Variants in GLI2 observed in about 807,000 individuals in gnomAD.
The protein encoded by GLI2 is transcription activator GLI2.
In GLI2, 22 loss-of-function variants were observed where a neutral mutation model predicts 78.9. The ratio of observed to expected loss-of-function variants is 0.28; its 90% CI spans 0.20 to 0.40. The LOEUF is 0.40. GLI2 is among the 10% of genes least tolerant of loss of function. The pLI, the probability that GLI2 is intolerant of heterozygous loss-of-function variation, is 1.00. For missense variants in GLI2, 2,097 were observed against 2,213.2 expected (o/e 0.95, Z 1.05); for synonymous variants, 974 against 963.7 (o/e 1.01, Z -0.20).
At chr2:120,953,274 A>G (rs972031555) in intron 4 of GLI2, among the ~76,000 whole-genome samples, 4 of 152,124 alleles carry the variant, frequency 2.6e-5, no homozygotes, top group African/African-American at 9.7e-5. Context: ...CACAGAGGAG[A>G]AGGCTATGTG....
chr2:120,879,062 C>T (rs1573526004), intron 2 of GLI2, among the ~76,000 whole-genome samples: 1 of 152,176 alleles, frequency 6.6e-6, no homozygotes, highest in African/African-American at 2.4e-5. Context: ...TCCGGCATTG[C>T]CCCGTGGGGT....
At chr2:120,884,918 T>G (rs1305155850) in intron 2 of GLI2, among the ~76,000 whole-genome samples, 1 of 152,132 alleles carries the variant, frequency 6.6e-6, no homozygotes, top group Non-Finnish European at 1.5e-5. Context: ...CTCCTACCAT[T>G]GCTGCCATGG....
intron 2 of GLI2, among the ~76,000 whole-genome samples, chr2:120,911,315 T>A (rs1473211752): frequency 2.0e-5 from 3 of 152,212 alleles, no homozygotes; most frequent in African/African-American, 7.2e-5. Flanking sequence ...TAACAATACC[T>A]TCATCAATTG....
chr2:120,837,480 T>C (rs1686673546), intron 2 of GLI2, among the ~76,000 whole-genome samples: 1 of 151,922 alleles, frequency 6.6e-6, no homozygotes, highest in East Asian at 1.9e-4. Flanking sequence ...TATCTTTGGG[T>C]ATGGCATGGT....
intron 2 of GLI2, among the ~76,000 whole-genome samples, chr2:120,857,075 G>A (rs1246792772): frequency 6.6e-6 from 1 of 152,150 alleles, no homozygotes; most frequent in Non-Finnish European, 1.5e-5. Flanking sequence ...TAAAGACCAG[G>A]GGAAGGCTTA....
chr2:120,912,384 G>A (rs1169826295), intron 2 of GLI2, among the ~76,000 whole-genome samples: 2 of 151,750 alleles, frequency 1.3e-5, no homozygotes, highest in African/African-American at 4.9e-5. Flanking sequence ...CAGGGCTGGA[G>A]GGTTGGGTCA....
intron 1 of GLI2, among the ~76,000 whole-genome samples, chr2:120,769,845 CT>C (rs35777290): frequency 0.29 from 44,503 of 151,818 alleles, 7,201 homozygotes; most frequent in African/African-American, 0.43. Flanking sequence ...TGTGCATGGG[CT>C]TTAAGTGTGT....
At chr2:120,886,986 G>C (rs748017377) in intron 2 of GLI2, among the ~76,000 whole-genome samples, 9 of 152,234 alleles carry the variant, frequency 5.9e-5, no homozygotes, top group Non-Finnish European at 1.0e-4. Flanking sequence ...CTGGGCCCGA[G>C]ACGCAGATGC....
intron 13 of GLI2, among the ~76,000 whole-genome samples, chr2:120,986,924 C>A (rs1453905014): frequency 6.6e-6 from 1 of 152,234 alleles, no homozygotes; most frequent in Non-Finnish European, 1.5e-5. Context: ...TGATGAGGCA[C>A]TTGCTGTGGG....
At chr2:120,864,693 C>G (rs1688047236) in intron 2 of GLI2, among the ~76,000 whole-genome samples, 1 of 152,196 alleles carries the variant, frequency 6.6e-6, no homozygotes, top group Admixed American at 6.5e-5. Flanking sequence ...GTAATCCACC[C>G]ACGTTGGCCT....
rs144266563 is a variant in GLI2 at position 120,817,506 on chromosome 2, G to A, written c.148+20038G>A. Among the ~76,000 whole-genome samples the A allele has an allele frequency of 1.4e-3, 211 of 152,224 alleles. 2 individuals carry two copies. The highest frequency in any genetic ancestry group is 4.8e-3 in the African/African-American group (198 of 41,524). On this transcript the variant is annotated intron_variant, in intron 2 of 13. Coordinates refer to ENST00000361492, the MANE Select transcript of GLI2 (RefSeq NM_001374353.1). ...CTCCTCCTCTTACAGTCTCATCACCGCTCCGCCTCAGCCCTTTCCTTCCCT... is the reference window on the plus strand; with the variant it reads ...CTCCTCCTCTTACAGTCTCATCACCACTCCGCCTCAGCCCTTTCCTTCCCT...
In GLI2 at chr2:120,988,698, C is replaced by A; in HGVS notation, c.2733C>A (p.Pro911=). 1 of 1,250,038 alleles carries A rather than the reference C, an allele frequency of 8.0e-7. No individual in the cohort carries two copies. Among genetic ancestry groups the A allele is most frequent in the Non-Finnish European group, 1.0e-6 (1 of 991,442 alleles). The allele number at this position is 1,250,038 out of a possible 1,614,324, so 77.4% of individuals were successfully genotyped here. A position where few individuals can be genotyped will look rare whatever the true frequency, so the allele number is the denominator to read the frequency against. Residue 911 remains proline (P), a synonymous_variant, in exon 14 of 14, where the codon CCC becomes CCA. Transcript: ENST00000361492. ...ALLDAPERTL[P]AGCPRPLGPR... ...TGGACGCGCCCGAGCGCACGCTGCCCGCCGGCTGCCCACGCCCACTGGGGC... is the reference window on the plus strand; with the variant it reads ...TGGACGCGCCCGAGCGCACGCTGCCAGCCGGCTGCCCACGCCCACTGGGGC...
intron 2 of GLI2, among the ~76,000 whole-genome samples, chr2:120,882,710 C>T (rs1677213244): frequency 6.6e-6 from 1 of 152,224 alleles, no homozygotes; most frequent in South Asian, 2.1e-4. Flanking sequence ...GCTGGCATTA[C>T]TCCAGAACCA....
chr2:120,851,210 TG>T (rs1558833627), intron 2 of GLI2, among the ~76,000 whole-genome samples: 1 of 152,082 alleles, frequency 6.6e-6, no homozygotes, highest in African/African-American at 2.4e-5. Context: ...AAGAACTCAT[TG>T]GGGGTGGACT....
intron 3 of GLI2, among the ~76,000 whole-genome samples, chr2:120,928,570 C>T (rs1679803023): frequency 6.6e-6 from 1 of 152,208 alleles, no homozygotes; most frequent in African/African-American, 2.4e-5. Flanking sequence ...CTCTCCCCGC[C>T]TGCCGCCACC....
chr2:120,968,848 A>C lies in GLI2; in HGVS notation c.778A>C (p.Ile260Leu), dbSNP rs543734429. 6.2e-7 allele frequency: 1 copy of C among 1,613,814 alleles called. No homozygotes were observed. Among genetic ancestry groups the C allele is most frequent in the Admixed American group, 1.7e-5 (1 of 60,014 alleles). ...CTCACCCAACTCGCTAGTGGCCTACATCAACAACTCCCGAAGCAGCTCGGC... is the reference window on the plus strand; with the variant it reads ...CTCACCCAACTCGCTAGTGGCCTACCTCAACAACTCCCGAAGCAGCTCGGC... ...RTSPNSLVAY[I>L]NNSRSSSAAS... Residue 260 changes from isoleucine (I) to leucine (L), a missense_variant, in exon 6 of 14, where the codon ATC (isoleucine) becomes CTC (leucine). Physicochemically the swap from Ile to Leu is conservative, Grantham distance 5. This residue lies in a region of GLI2 where 578 missense variants were observed against 612.0 expected (regional missense o/e 0.94). Coordinates refer to ENST00000361492, the MANE Select transcript of GLI2 (RefSeq NM_001374353.1).
In GLI2 at chr2:120,925,720, G is replaced by A. The variant is rs147690933; in HGVS notation, c.149-1641G>A. The stretch of plus-strand genomic sequence containing the variant: ...GTTTCAGTTGTGGAGATGGATGGTG[G>A]TGATGATTACACAACAATGCAAAGG... On this transcript the variant is annotated intron_variant, in intron 2 of 13. Transcript: ENST00000361492. Among the ~76,000 whole-genome samples the A allele has an allele frequency of 5.3e-5, 8 of 152,190 alleles. No individual in the cohort carries two copies. The South Asian group carries it at 8.3e-4, about 16-fold the overall frequency.
chr2:120,876,836 T>G (rs1364487365), intron 2 of GLI2, among the ~76,000 whole-genome samples: 1 of 152,228 alleles, frequency 6.6e-6, no homozygotes, highest in South Asian at 2.1e-4. Context: ...CAGATGCACT[T>G]GCAGAATGAT....
intron 9 of GLI2, among the ~76,000 whole-genome samples, chr2:120,977,394 T>C (rs1190520577): frequency 1.3e-5 from 2 of 152,252 alleles, no homozygotes; most frequent in East Asian, 1.9e-4. Flanking sequence ...TGAGATATTG[T>C]ATATTCTTTT....
Sources: allele counts gnomAD v4.1 joint callset (sites outside exome capture counted in the v4.1 genomes callset), GRCh38; gene constraint gnomAD v4.1.1; regional missense constraint gnomAD v4.1.1; transcripts MANE v1.5; gene names NCBI Gene and HGNC (gene_info 2026-07-23, HGNC 2026-07-21).